The following PDE1C variants were observed in gnomAD, a reference collection of about 807,000 sequenced individuals.
The protein encoded by PDE1C is phosphodiesterase 1C, also known as dual specificity calcium/calmodulin-dependent 3',5'-cyclic nucleotide phosphodiesterase 1C.
A neutral mutation model predicts 93.1 loss-of-function variants in PDE1C; 62 were observed. The observed-to-expected ratio is 0.67, with a 90% confidence interval of 0.54 to 0.82. The LOEUF is 0.82. Among genes scored for constraint, PDE1C ranks in the 40% least tolerant of loss-of-function variants. The probability of loss-of-function intolerance (pLI) is 0.00; values close to 1 mark genes in which losing one functional copy is unlikely to be tolerated. For synonymous variants in PDE1C, 325 were observed against 310.1 expected, an observed-to-expected ratio of 1.05 and a Z score of -0.50; for missense variants, 742 against 884.6, an observed-to-expected ratio of 0.84 and a Z score of 2.04.
intron 16 of PDE1C, among the ~76,000 whole-genome samples, chr7:31,778,076 T>C (rs1243043189): frequency 6.6e-6 from 1 of 152,212 alleles, no homozygotes; most frequent in Admixed American, 6.5e-5. Flanking sequence ...TTTCACCAGG[T>C]GATTCCAACG....
chr7:31,637,340 T>G, the PDE1C span, among the ~76,000 whole-genome samples: 1 of 151,644 alleles, frequency 6.6e-6, no homozygotes, highest in Non-Finnish European at 1.5e-5. Flanking sequence ...TGAACTAGTT[T>G]ACAGTCCCAC....
At chr7:32,069,814 C>A (rs1229954799) in intron 1 of PDE1C, among the ~76,000 whole-genome samples, 1 of 152,064 alleles carries the variant, frequency 6.6e-6, no homozygotes, top group Non-Finnish European at 1.5e-5. Context: ...ATCAGAAGTT[C>A]GACTGGGCTA....
At chr7:31,877,927 A>G in intron 5 of PDE1C, 43 bp downstream of exon 5, 1 of 1,292,920 alleles carries the variant, frequency 7.7e-7, no homozygotes, top group Non-Finnish European at 1.1e-6. Flanking sequence ...TCTACTTTTT[A>G]TTAGGTACCA....
chr7:32,140,971 A>T (rs903426008), intron 3 of PDE1C, among the ~76,000 whole-genome samples: 6 of 152,250 alleles, frequency 3.9e-5, no homozygotes, highest in African/African-American at 1.2e-4. Context: ...TGGAATAAAA[A>T]TTTCTAAGAC....
chr7:32,171,309 C>T (rs1228636155), intron 2 of PDE1C, among the ~76,000 whole-genome samples: 1 of 151,844 alleles, frequency 6.6e-6, no homozygotes, highest in Non-Finnish European at 1.5e-5. Context: ...AACACCTGAC[C>T]CGTGCTCTTC....
chr7:31,810,100 G>A (rs1787367752), intron 15 of PDE1C, among the ~76,000 whole-genome samples: 1 of 152,118 alleles, frequency 6.6e-6, no homozygotes, highest in South Asian at 2.1e-4. Flanking sequence ...GTTCTTTACA[G>A]TATAACAGTG....
At chr7:31,651,140 A>G in the PDE1C span, 13 of 1,611,888 alleles carry the variant, frequency 8.1e-6, no homozygotes, top group Non-Finnish European at 1.1e-5. Flanking sequence ...CATTGTTCTC[A>G]GTGCACAGTC....
chr7:32,329,462 T>C (rs1287073476), intron 1 of PDE1C, among the ~76,000 whole-genome samples: 1 of 152,176 alleles, frequency 6.6e-6, no homozygotes, highest in Non-Finnish European at 1.5e-5. Context: ...TTTAATCCAG[T>C]GCAGGTGACC....
At chr7:32,251,988 G>C (rs1379462595) in intron 1 of PDE1C, among the ~76,000 whole-genome samples, 1 of 152,152 alleles carries the variant, frequency 6.6e-6, no homozygotes, top group Non-Finnish European at 1.5e-5. Context: ...TCAACTGATA[G>C]ACAACCCTGA....
At chr7:31,625,506 A>G in the PDE1C span, among the ~76,000 whole-genome samples, 2 of 152,216 alleles carry the variant, frequency 1.3e-5, no homozygotes, top group South Asian at 2.1e-4. Context: ...ATCATTCTCA[A>G]TAAACTATTG....
intron 1 of PDE1C, among the ~76,000 whole-genome samples, chr7:32,340,718 A>T (rs1485549124): frequency 6.6e-6 from 1 of 152,246 alleles, no homozygotes; most frequent in Non-Finnish European, 1.5e-5. Flanking sequence ...AATGCATATT[A>T]CTAAGTGAAA....
chr7:32,174,920 T>G (rs1380734023), intron 2 of PDE1C, among the ~76,000 whole-genome samples: 1 of 152,140 alleles, frequency 6.6e-6, no homozygotes, highest in African/African-American at 2.4e-5. Flanking sequence ...TAAATATATA[T>G]AGATGTGATT....
the PDE1C span, among the ~76,000 whole-genome samples, chr7:31,694,918 G>A: frequency 1.6e-4 from 25 of 152,262 alleles, no homozygotes; most frequent in South Asian, 5.0e-3. Context: ...GGGCAAATAG[G>A]AGGGTTACAA....
At chr7:32,246,245 A>C (rs1482968906) in intron 1 of PDE1C, among the ~76,000 whole-genome samples, 1 of 152,156 alleles carries the variant, frequency 6.6e-6, no homozygotes, top group African/African-American at 2.4e-5. Flanking sequence ...CTGGGATTAC[A>C]GGCGTGAGCC....
the PDE1C span, chr7:31,696,825 G>A: frequency 5.1e-5 from 48 of 935,768 alleles, 1 homozygote; most frequent in African/African-American, 7.5e-4. Context: ...TGCTTCTTAT[G>A]AAAAGTCTTG....
At chr7:32,256,369 G>C (rs1460469087) in intron 1 of PDE1C, among the ~76,000 whole-genome samples, 1 of 152,192 alleles carries the variant, frequency 6.6e-6, no homozygotes. Context: ...GTCCTATCAG[G>C]TGACTGGAGT....
At chr7:31,906,234 C>T (rs1340150435) in intron 2 of PDE1C, among the ~76,000 whole-genome samples, 2 of 152,190 alleles carry the variant, frequency 1.3e-5, no homozygotes, top group African/African-American at 4.8e-5. Flanking sequence ...CCATGTTTAA[C>T]ACCTTAAATC....
chr7:31,772,543 T>C lies in PDE1C; in HGVS notation c.1960+3121A>G, dbSNP rs532930536. Among the ~76,000 whole-genome samples, 143 of 152,160 alleles carry C rather than the reference T, an allele frequency of 9.4e-4. 1 individual carries two copies. Among genetic ancestry groups the C allele is most frequent in the African/African-American group, 3.3e-3 (137 of 41,528 alleles). On this transcript the variant is annotated intron_variant, in intron 17 of 17. Coordinates refer to ENST00000396191, the MANE Select transcript of PDE1C (RefSeq NM_001191057.4). ...TTTTTTTCTGGTTCCCAGAGTTGTTTGTCTCTGGCACCAGTTTTTTTAAAA... is the reference window on the plus strand; with the variant it reads ...TTTTTTTCTGGTTCCCAGAGTTGTTCGTCTCTGGCACCAGTTTTTTTAAAA...
intron 2 of PDE1C, among the ~76,000 whole-genome samples, chr7:32,049,404 T>TG (rs1375352384): frequency 1.3e-5 from 2 of 152,208 alleles, no homozygotes; most frequent in South Asian, 2.1e-4. Flanking sequence ...TTGTTGTTGT[T>TG]TTGTTTTGTT....
Sources: gnomAD v4.1 joint callset for allele counts (sites outside exome capture counted in the v4.1 genomes callset) on GRCh38, gnomAD v4.1.1 for gene constraint, MANE v1.5 for transcripts, NCBI Gene and HGNC (gene_info 2026-07-23, HGNC 2026-07-21) for gene names.